The following PNPLA7 variants were observed in gnomAD, a reference collection of about 807,000 sequenced individuals.
The protein encoded by PNPLA7 is patatin-like phospholipase domain-containing protein 7.
In PNPLA7, 153 loss-of-function variants were observed where a neutral mutation model predicts 161.7. The observed-to-expected ratio is 0.95, with a 90% CI of 0.83 to 1.08. The LOEUF (loss-of-function observed/expected upper bound fraction) is 1.08. Among genes scored for constraint, PNPLA7 ranks in the 50% least tolerant of loss-of-function variants. The probability of loss-of-function intolerance (pLI) is 0.00; values close to 1 mark genes in which losing one functional copy is unlikely to be tolerated. For synonymous variants in PNPLA7, 809 were observed against 782.1 expected (o/e 1.03, Z -0.57); for missense variants, 1,739 against 1,856.6 (o/e 0.94, Z 1.16).
chr9:137,545,512 C>G (rs774405101), intron 4 of PNPLA7, among the ~76,000 whole-genome samples: 5 of 152,174 alleles, frequency 3.3e-5, no homozygotes, highest in Non-Finnish European at 7.3e-5. Context: ...TGGGGGCCGA[C>G]AGGGCCTTTG....
rs766782675 is a variant in PNPLA7 at position 137,499,235 on chromosome 9, GAC to G, written c.1758-992_1758-991del. 2.3e-3 allele frequency among the ~76,000 whole-genome samples: 350 copies of G among 149,878 alleles called. 1 individual carries two copies. The highest frequency in any genetic ancestry group is 4.4e-3 in the Non-Finnish European group (294 of 67,334). The stretch of plus-strand genomic sequence containing the variant: ...ACACCGAGACACACACAGACACACA[GAC>G]ACACACAGACACAAGGAGACACACA... On this transcript the variant is annotated intron_variant, in intron 16 of 34. Coordinates refer to ENST00000406427, the MANE Select transcript of PNPLA7 (RefSeq NM_001098537.3). The surrounding 1 kb of genome is among the most constrained non-coding windows in gnomAD (Gnocchi z 5.5).
At chr9:137,509,501 G>A (rs193279903) in intron 12 of PNPLA7, 16 of 236,520 alleles carry the variant, frequency 6.8e-5, no homozygotes, top group Middle Eastern at 9.1e-4. Context: ...TTTAGCCGGC[G>A]TGAGTGAGTT....
intron 12 of PNPLA7, among the ~76,000 whole-genome samples, chr9:137,512,908 T>C (rs1412966255): frequency 6.7e-6 from 1 of 148,478 alleles, no homozygotes; most frequent in Non-Finnish European, 1.5e-5. Context: ...GGCCGCAGTG[T>C]GCCATGATCT....
intron 4 of PNPLA7, among the ~76,000 whole-genome samples, chr9:137,546,310 C>T (rs753737442): frequency 6.6e-6 from 1 of 152,052 alleles, no homozygotes; most frequent in African/African-American, 2.4e-5. Context: ...CTTACCCTGC[C>T]CCTTTGTCTT....
chr9:137,467,424 G>C lies in PNPLA7; in HGVS notation c.2932C>G (p.Pro978Ala). 1 of 1,613,384 alleles carries C rather than the reference G, an allele frequency of 6.2e-7. No homozygotes were observed. Among genetic ancestry groups the C allele is most frequent in the South Asian group, 1.1e-5 (1 of 91,088 alleles). ...VLKALAECGI[P>A]VDMVGGTSIG... ...GACGTGCCTCCCACCATGTCCACAG[G>C]GATGCCGCACTCCGCCAAGGCCTTG... The change falls in exon 26 of 35, where the codon CCT (proline) becomes GCT (alanine). Residue 978 changes from proline to alanine, a missense_variant. This residue lies in a region of PNPLA7 where 703 missense variants were observed against 694.6 expected (regional missense o/e 1.01). Transcript: ENST00000406427. This position sits in a 1 kb window ranked among gnomAD's most constrained non-coding sequence, Gnocchi z 5.1.
intron 8 of PNPLA7, among the ~76,000 whole-genome samples, chr9:137,533,929 C>T (rs937324255): frequency 1.3e-5 from 2 of 150,466 alleles, no homozygotes; most frequent in Non-Finnish European, 3.0e-5. Flanking sequence ...CAGAATCCTC[C>T]CCAACAGTGT....
At position 137,460,180 on chromosome 9, in the gene PNPLA7, G is replaced by A. The variant is rs543644654; in HGVS notation, c.*213C>T. The A allele has an allele frequency of 4.3e-3, 2,183 of 507,112 alleles. 7 individuals carry two copies. Among genetic ancestry groups the A allele is most frequent in the Non-Finnish European group, 6.1e-3 (1,718 of 280,836 alleles). The allele number at this position is 507,112 out of a possible 1,614,324, so 31.4% of individuals were successfully genotyped here. ...TCAGGGGCCTCACAGAGCTTCAGGG[G>A]CCTCACAGGACTGCAGGGGGGCTCA... On this transcript the variant is annotated 3_prime_UTR_variant, in exon 35 of 35. Transcript: ENST00000406427.
rs751937640 is a variant in PNPLA7 at position 137,464,333 on chromosome 9, G to A, written c.3156+7C>T. ...GGCTGCATGGGCTCCTGAGGGTGGG[G>A]GTGCACCTCGATCTGCTGGTCCTTG... On this transcript the variant is annotated splice_region_variant and intron_variant, in intron 27 of 34. Coordinates refer to ENST00000406427, the MANE Select transcript of PNPLA7 (RefSeq NM_001098537.3). 6.2e-7 allele frequency: 1 copy of A among 1,612,386 alleles called. No homozygotes were observed. The highest frequency in any genetic ancestry group is 1.1e-5 in the South Asian group (1 of 91,048).
chr9:137,527,262 C>T (rs368237653), intron 8 of PNPLA7, among the ~76,000 whole-genome samples: 181 of 147,172 alleles, frequency 1.2e-3, no homozygotes, highest in African/African-American at 4.1e-3. Flanking sequence ...AGCAAGACTC[C>T]GACTCACAAA....
At chr9:137,521,923 C>A (rs546470782) in intron 9 of PNPLA7, among the ~76,000 whole-genome samples, 1 of 152,190 alleles carries the variant, frequency 6.6e-6, no homozygotes. Flanking sequence ...ACAAGGGGCA[C>A]ATGAAGACTG....
chr9:137,492,025 A>G (rs1241084243), intron 20 of PNPLA7: 29 of 985,260 alleles, frequency 2.9e-5, no homozygotes, highest in Non-Finnish European at 3.3e-5. Context: ...AAGGCAGGAG[A>G]GAGGAGCTCC....
intron 26 of PNPLA7, chr9:137,464,674 C>T: frequency 1.7e-6 from 1 of 576,698 alleles, no homozygotes; most frequent in Non-Finnish European, 3.1e-6. Context: ...CACAGCCCAC[C>T]CTCGGTCCCT....
rs1836208850 is a variant in PNPLA7 at position 137,541,630 on chromosome 9, C to G, written c.667-908G>C. On this transcript the variant is annotated intron_variant, in intron 7 of 34. Transcript: ENST00000406427. This position sits in a 1 kb window ranked among gnomAD's most constrained non-coding sequence, Gnocchi z 4.4. ...AAGTCTGGGTCGCAAACTGCCCAGACAGACAAAGCCACACCACCCTCCAGG... is the reference window on the plus strand; with the variant it reads ...AAGTCTGGGTCGCAAACTGCCCAGAGAGACAAAGCCACACCACCCTCCAGG... The G allele has an allele frequency of 3.3e-6, 1 of 298,616 alleles. No homozygotes were observed. The highest frequency in any genetic ancestry group is 2.3e-5 in the African/African-American group (1 of 44,098). The allele number at this position is 298,616 out of a possible 1,614,324, so 18.5% of individuals were successfully genotyped here. A position where few individuals can be genotyped will look rare whatever the true frequency, so the allele number is the denominator to read the frequency against.
intron 8 of PNPLA7, among the ~76,000 whole-genome samples, chr9:137,534,934 C>A (rs1835806040): frequency 1.4e-5 from 2 of 140,714 alleles, no homozygotes; most frequent in African/African-American, 3.1e-5. Context: ...ACTAATGAGA[C>A]CTTAACCCCA....
rs1833235260 is a variant in PNPLA7, at chr9:137,499,135, C to A, written c.1758-890G>T. On this transcript the variant is annotated intron_variant, in intron 16 of 34. Coordinates refer to ENST00000406427, the MANE Select transcript of PNPLA7 (RefSeq NM_001098537.3). The surrounding 1 kb of genome is among the most constrained non-coding windows in gnomAD (Gnocchi z 5.5). ...ACACAGGCAGACACACAGACACACA[C>A]AGACACACGGAGACAGAGACACTCG... is the stretch of plus-strand genomic sequence containing the variant. Among the ~76,000 whole-genome samples, 1 of 151,572 alleles carries A rather than the reference C, an allele frequency of 6.6e-6. No homozygotes were observed. The highest frequency in any genetic ancestry group is 1.5e-5 in the Non-Finnish European group (1 of 67,842).
At chr9:137,536,447 A>G (rs1047637519) in intron 8 of PNPLA7, among the ~76,000 whole-genome samples, 4 of 152,164 alleles carry the variant, frequency 2.6e-5, no homozygotes, top group African/African-American at 9.6e-5. Flanking sequence ...CCAGAGCAAA[A>G]AAGCATTCAC....
chr9:137,547,503 G>A lies in PNPLA7; in HGVS notation c.105+82C>T. The A allele has an allele frequency of 1.3e-6, 2 of 1,593,034 alleles. No homozygotes were observed. The highest frequency in any genetic ancestry group is 1.7e-5 in the Admixed American group (1 of 59,984). On this transcript the variant is annotated intron_variant, in intron 2 of 34. Transcript: ENST00000406427. The surrounding 1 kb of genome is among the most constrained non-coding windows in gnomAD (Gnocchi z 4.6). ...GCCCAACCACAGGCTGGGCAGGAAT[G>A]AGCCAGGGGATGGGGACAGGGAGAG...
At chr9:137,475,009 T>TG (rs1831879056) in intron 25 of PNPLA7, among the ~76,000 whole-genome samples, 2 of 16,002 alleles carry the variant, frequency 1.2e-4, no homozygotes, top group African/African-American at 5.7e-4. Context: ...AGACTCTGCC[T>TG]CAAAAAAAAA....
intron 20 of PNPLA7, among the ~76,000 whole-genome samples, chr9:137,488,469 G>C (rs1471830921): frequency 6.6e-6 from 1 of 152,206 alleles, no homozygotes; most frequent in Non-Finnish European, 1.5e-5. Context: ...CAGGCCACCT[G>C]TCACCAGTCA....
Sources: gnomAD v4.1 joint callset for allele counts (sites outside exome capture counted in the v4.1 genomes callset) on GRCh38, gnomAD v4.1.1 for gene constraint, gnomAD v4.1.1 regional missense constraint, Gnocchi (gnomAD v3.1) non-coding constraint, MANE v1.5 for transcripts, NCBI Gene and HGNC (gene_info 2026-07-23, HGNC 2026-07-21) for gene names.